Variants in EFNA5 observed in about 807,000 individuals in gnomAD.
The protein encoded by EFNA5 is ephrin A5, also known as ephrin-A5.
A neutral mutation model predicts 22.9 loss-of-function variants in EFNA5; 5 were observed. That is an observed-to-expected ratio of 0.22 (90% CI 0.11 to 0.46). The LOEUF (loss-of-function observed/expected upper bound fraction) is 0.46. Ranked by LOEUF, EFNA5 falls within the 20% of genes least tolerant of loss-of-function variation. The probability of loss-of-function intolerance (pLI) is 0.99; values close to 1 mark genes in which losing one functional copy is unlikely to be tolerated. For missense variants in EFNA5, 237 were observed against 293.3 expected, an observed-to-expected ratio of 0.81 and a Z score of 1.40; for synonymous variants, 113 against 112.2, an observed-to-expected ratio of 1.01 and a Z score of -0.04.
chr5:107,414,109 A>T (rs1214275322), intron 2 of EFNA5, among the ~76,000 whole-genome samples: 2 of 152,220 alleles, frequency 1.3e-5, no homozygotes, highest in East Asian at 3.8e-4. Context: ...CAGGAAAAAC[A>T]GCTGGAGGGC....
chr5:107,481,125 T>C (rs539874892), intron 1 of EFNA5, among the ~76,000 whole-genome samples: 1 of 152,114 alleles, frequency 6.6e-6, no homozygotes, highest in Non-Finnish European at 1.5e-5. Flanking sequence ...AGGGTAAAGT[T>C]AGACTCTCCT....
At chr5:107,468,384 A>C (rs904926509) in intron 1 of EFNA5, among the ~76,000 whole-genome samples, 2 of 152,224 alleles carry the variant, frequency 1.3e-5, no homozygotes, top group African/African-American at 4.8e-5. Flanking sequence ...GGGTGTTTAT[A>C]AGAAATAAAG....
rs1580515561 is a variant in EFNA5 at position 107,531,784 on chromosome 5, G to A, written c.126-104275C>T. 1.3e-5 allele frequency among the ~76,000 whole-genome samples: 2 copies of A among 152,286 alleles called. 1 individual carries two copies. The highest frequency in any genetic ancestry group is 3.9e-4 in the East Asian group (2 of 5,184). On this transcript the variant is annotated intron_variant, in intron 1 of 4. Transcript: ENST00000333274. ...GACATTATAGAAATACTAACGTAATGTGCAGGAATTCATTTACACTGCTTA... is the reference window on the plus strand; with the variant it reads ...GACATTATAGAAATACTAACGTAATATGCAGGAATTCATTTACACTGCTTA...
intron 1 of EFNA5, among the ~76,000 whole-genome samples, chr5:107,566,333 G>A (rs933289848): frequency 6.7e-6 from 1 of 149,780 alleles, no homozygotes; most frequent in Admixed American, 6.6e-5. Flanking sequence ...TTAATTTGTG[G>A]CATTCATGTG....
At chr5:107,660,911 C>CG (rs1750941759) in intron 1 of EFNA5, among the ~76,000 whole-genome samples, 2 of 151,956 alleles carry the variant, frequency 1.3e-5, no homozygotes, top group Admixed American at 1.3e-4. Context: ...TTTTAATAAA[C>CG]GGAGCTCCCG....
intron 1 of EFNA5, among the ~76,000 whole-genome samples, chr5:107,583,000 T>A (rs78281258): frequency 6.6e-6 from 1 of 151,990 alleles, no homozygotes; most frequent in African/African-American, 2.4e-5. Context: ...TTTAATTCCC[T>A]CCTATAGGGA....
intron 1 of EFNA5, among the ~76,000 whole-genome samples, chr5:107,532,287 G>C (rs1385301431): frequency 6.6e-6 from 1 of 152,212 alleles, no homozygotes; most frequent in Non-Finnish European, 1.5e-5. Context: ...CTGGGAGATG[G>C]GAGACATCTG....
At chr5:107,666,273 C>A (rs1225948138) in intron 1 of EFNA5, among the ~76,000 whole-genome samples, 2 of 151,020 alleles carry the variant, frequency 1.3e-5, no homozygotes, top group Non-Finnish European at 1.5e-5. Context: ...TTAAATGGAG[C>A]AACTAAATTT....
chr5:107,470,857 C>T (rs1222094563), intron 1 of EFNA5, among the ~76,000 whole-genome samples: 1 of 141,096 alleles, frequency 7.1e-6, no homozygotes, highest in East Asian at 2.5e-4. Context: ...ATAGCAAGAC[C>T]TTATCTCTAA....
At chr5:107,538,758 T>C (rs936078043) in intron 1 of EFNA5, among the ~76,000 whole-genome samples, 36 of 152,230 alleles carry the variant, frequency 2.4e-4, no homozygotes, top group African/African-American at 8.7e-4. Flanking sequence ...CACGCTATGT[T>C]CGTAATTTTG....
At chr5:107,583,946 A>G (rs1301501851) in intron 1 of EFNA5, among the ~76,000 whole-genome samples, 1 of 152,082 alleles carries the variant, frequency 6.6e-6, no homozygotes, top group Non-Finnish European at 1.5e-5. Flanking sequence ...TGCACACTTA[A>G]TCTACACCTC....
At chr5:107,511,775 A>G (rs933865747) in intron 1 of EFNA5, among the ~76,000 whole-genome samples, 19 of 147,464 alleles carry the variant, frequency 1.3e-4, no homozygotes, top group African/African-American at 4.6e-4. Flanking sequence ...GTTCTTATCT[A>G]TCAATGCATA....
chr5:107,525,273 T>C (rs1411588132), intron 1 of EFNA5, among the ~76,000 whole-genome samples: 1 of 152,208 alleles, frequency 6.6e-6, no homozygotes, highest in African/African-American at 2.4e-5. Context: ...GCACACAGTG[T>C]ATATAGATAT....
chr5:107,655,318 G>T (rs913055524), intron 1 of EFNA5, among the ~76,000 whole-genome samples: 5 of 151,840 alleles, frequency 3.3e-5, no homozygotes, highest in African/African-American at 4.8e-5. Context: ...CAATTTAGCA[G>T]GAAAAAAGAA....
chr5:107,555,371 T>A (rs1363441166), intron 1 of EFNA5, among the ~76,000 whole-genome samples: 1 of 152,246 alleles, frequency 6.6e-6, no homozygotes, highest in African/African-American at 2.4e-5. Context: ...CATTTTTTAG[T>A]GCTTTTGTGT....
At chr5:107,394,227 A>C (rs1346522483) in intron 2 of EFNA5, among the ~76,000 whole-genome samples, 1 of 152,168 alleles carries the variant, frequency 6.6e-6, no homozygotes. Flanking sequence ...CCACCCCAGG[A>C]GCTACTAAAT....
intron 2 of EFNA5, among the ~76,000 whole-genome samples, chr5:107,396,531 T>C (rs562488332): frequency 4.6e-5 from 7 of 152,336 alleles, no homozygotes; most frequent in East Asian, 1.9e-4. Context: ...TGAGGGCTTC[T>C]GAGGTTGTGA....
At chr5:107,405,575 G>T (rs185702787) in intron 2 of EFNA5, among the ~76,000 whole-genome samples, 45 of 152,118 alleles carry the variant, frequency 3.0e-4, no homozygotes, top group African/African-American at 9.2e-4. Context: ...CCATCTGTTT[G>T]CCAAAAATTA....
chr5:107,567,531 A>C (rs1748685446), intron 1 of EFNA5, among the ~76,000 whole-genome samples: 1 of 152,140 alleles, frequency 6.6e-6, no homozygotes, highest in South Asian at 2.1e-4. Context: ...ATGACAGACA[A>C]ATGAAGTTTG....
Sources: allele counts gnomAD v4.1 joint callset (sites outside exome capture counted in the v4.1 genomes callset), GRCh38; gene constraint gnomAD v4.1.1; transcripts MANE v1.5; gene names NCBI Gene and HGNC (gene_info 2026-07-23, HGNC 2026-07-21).